The following RFTN2 variants were observed in gnomAD, a reference collection of about 807,000 sequenced individuals.
The protein encoded by RFTN2 is raftlin-2.
RFTN2 carries 34 observed loss-of-function variants against 52.7 expected under a neutral mutation model. That is an observed-to-expected ratio of 0.64 (90% CI 0.49 to 0.86). RFTN2 has a LOEUF of 0.86. Ranked by LOEUF, RFTN2 falls within the 40% of genes least tolerant of loss-of-function variation. The pLI, the probability that RFTN2 is intolerant of heterozygous loss-of-function variation, is 0.00. For missense variants in RFTN2, 536 were observed against 600.1 expected, an observed-to-expected ratio of 0.89 and a Z score of 1.12; for synonymous variants, 203 against 217.7, an observed-to-expected ratio of 0.93 and a Z score of 0.59.
At chr2:197,614,467 G>A (rs2088110331) in intron 7 of RFTN2, among the ~76,000 whole-genome samples, 1 of 152,264 alleles carries the variant, frequency 6.6e-6, no homozygotes, top group Middle Eastern at 3.4e-3. Flanking sequence ...GTGCAACTTG[G>A]TTCTTCCTGG....
At chr2:197,598,010 T>C (rs2087819693) in intron 7 of RFTN2, among the ~76,000 whole-genome samples, 1 of 152,136 alleles carries the variant, frequency 6.6e-6, no homozygotes, top group African/African-American at 2.4e-5. Context: ...AAGAATATCT[T>C]CCAGAGAGCA....
At chr2:197,604,684 C>T (rs1226757846) in intron 7 of RFTN2, among the ~76,000 whole-genome samples, 1 of 152,192 alleles carries the variant, frequency 6.6e-6, no homozygotes, top group African/African-American at 2.4e-5. Context: ...TTTTGGCCAG[C>T]TGTGATGACA....
At chr2:197,626,617 CTTTTTTTT>C (rs71012985) in intron 5 of RFTN2, among the ~76,000 whole-genome samples, 8 of 90,950 alleles carry the variant, frequency 8.8e-5, no homozygotes, top group East Asian at 3.5e-4. Context: ...GAATAATCTT[CTTTTTTTT>C]TTTTTTTTTT....
At chr2:197,641,524 C>G (rs1359034344) in intron 3 of RFTN2, among the ~76,000 whole-genome samples, 1 of 152,130 alleles carries the variant, frequency 6.6e-6, no homozygotes, top group Admixed American at 6.5e-5. Flanking sequence ...TGCAGAAAAA[C>G]TTTTTTCTAT....
intron 4 of RFTN2, among the ~76,000 whole-genome samples, chr2:197,631,969 T>G (rs2088475811): frequency 6.6e-6 from 1 of 152,142 alleles, no homozygotes; most frequent in Admixed American, 6.6e-5. Context: ...ACCCCCATTC[T>G]CCCTCTTCTA....
At chr2:197,601,613 C>T (rs185585227) in intron 7 of RFTN2, among the ~76,000 whole-genome samples, 11 of 152,038 alleles carry the variant, frequency 7.2e-5, no homozygotes, top group African/African-American at 2.7e-4. Context: ...CACTGAAGCC[C>T]TGACTACAGG....
At chr2:197,583,737 T>C (rs2087548098) in intron 8 of RFTN2, among the ~76,000 whole-genome samples, 1 of 152,060 alleles carries the variant, frequency 6.6e-6, no homozygotes, top group African/African-American at 2.4e-5. Context: ...CATTAACTCA[T>C]TGTTTACATT....
chr2:197,645,666 A>C (rs1473461216), intron 2 of RFTN2, among the ~76,000 whole-genome samples: 1 of 152,232 alleles, frequency 6.6e-6, no homozygotes, highest in Non-Finnish European at 1.5e-5. Context: ...GATTTTGGAA[A>C]AAGGTTAACA....
intron 3 of RFTN2, among the ~76,000 whole-genome samples, chr2:197,638,045 G>A (rs1029327468): frequency 3.9e-4 from 58 of 150,458 alleles, no homozygotes; most frequent in Non-Finnish European, 5.2e-4. Flanking sequence ...GTAGTTGAGC[G>A]GCTTTGAGTG....
intron 8 of RFTN2, among the ~76,000 whole-genome samples, chr2:197,582,912 G>T (rs932587507): frequency 6.6e-6 from 1 of 152,080 alleles, no homozygotes; most frequent in Non-Finnish European, 1.5e-5. Flanking sequence ...GTCCCTCACG[G>T]CCAGTTTTTC....
rs567455803 is a variant in RFTN2, at chr2:197,605,617, G to T, written c.1155-9548C>A. Among the ~76,000 whole-genome samples the T allele has an allele frequency of 2.0e-5, 3 of 152,218 alleles. 1 individual carries two copies. In the South Asian group the frequency reaches 6.2e-4, roughly 32 times the overall value. Reference sequence around the variant, plus strand: ...CTTTTCTGACATTGCTTTGCTTAAGGTTGCCAGAGAAAGCAAATAATCTGT... The same window carrying T: ...CTTTTCTGACATTGCTTTGCTTAAGTTTGCCAGAGAAAGCAAATAATCTGT... On this transcript the variant is annotated intron_variant, in intron 7 of 8. Coordinates refer to ENST00000295049, the MANE Select transcript of RFTN2 (RefSeq NM_144629.3).
intron 3 of RFTN2, among the ~76,000 whole-genome samples, chr2:197,638,000 A>C (rs1167289969): frequency 6.7e-6 from 1 of 149,584 alleles, no homozygotes; most frequent in Admixed American, 6.7e-5. Flanking sequence ...TTATGTATCC[A>C]GTAGTCATTC....
In RFTN2 at chr2:197,622,494, C is replaced by T. The variant is rs190803910; in HGVS notation, c.929-4573G>A. Among the ~76,000 whole-genome samples, 323 of 152,142 alleles carry T rather than the reference C, an allele frequency of 2.1e-3. 4 individuals are homozygous for T. The highest frequency in any genetic ancestry group is 0.014 in the Admixed American group (218 of 15,262). On this transcript the variant is annotated intron_variant, in intron 5 of 8. Transcript: ENST00000295049. ...CTAATTTTTGTATTTTTAGTAGAGG[C>T]GGGGTTTCACCATTTTAGCCAGGCT... is the stretch of plus-strand genomic sequence containing the variant.
At chr2:197,635,588 GT>G (rs1318536734) in intron 3 of RFTN2, among the ~76,000 whole-genome samples, 6 of 148,216 alleles carry the variant, frequency 4.0e-5, no homozygotes, top group Non-Finnish European at 9.1e-5. Context: ...GGGGTTGTTT[GT>G]TTTTTTCTTG....
intron 7 of RFTN2, among the ~76,000 whole-genome samples, chr2:197,596,676 G>T (rs958828098): frequency 6.6e-6 from 1 of 152,152 alleles, no homozygotes; most frequent in African/African-American, 2.4e-5. Flanking sequence ...ATACTTAGGA[G>T]TGGGATTATT....
intron 6 of RFTN2, 94 bp from the exon 7 acceptor site, chr2:197,616,073 G>C (rs1278359072): frequency 1.4e-6 from 1 of 695,076 alleles, no homozygotes; most frequent in African/African-American, 1.8e-5. Flanking sequence ...GATGAGGGGA[G>C]TTCACTTTCA....
chr2:197,597,372 G>C (rs1222619242), intron 7 of RFTN2, among the ~76,000 whole-genome samples: 1 of 152,238 alleles, frequency 6.6e-6, no homozygotes. Context: ...AGAAAAAGCT[G>C]GTCACATGTT....
intron 1 of RFTN2, among the ~76,000 whole-genome samples, chr2:197,653,338 C>T (rs76308665): frequency 0.19 from 28,495 of 151,736 alleles, 2,800 homozygotes; most frequent in Middle Eastern, 0.27. Flanking sequence ...GGAGACCTGA[C>T]GGGTGTCTTT....
chr2:197,610,626 C>T (rs1363548117), intron 7 of RFTN2, among the ~76,000 whole-genome samples: 2 of 152,148 alleles, frequency 1.3e-5, no homozygotes, highest in African/African-American at 2.4e-5. Context: ...CCTGATTGCC[C>T]TGGCCAGAAC....
Sources: gnomAD v4.1 joint callset for allele counts (sites outside exome capture counted in the v4.1 genomes callset) on GRCh38, gnomAD v4.1.1 for gene constraint, MANE v1.5 for transcripts, NCBI Gene and HGNC (gene_info 2026-07-23, HGNC 2026-07-21) for gene names.